The following SLC5A10 variants were observed in gnomAD, a reference collection of about 807,000 sequenced individuals.
The protein encoded by SLC5A10 is solute carrier family 5 member 10.
SLC5A10 carries 55 observed loss-of-function variants against 68.9 expected under a neutral mutation model. The ratio of observed to expected loss-of-function variants is 0.80; its 90% confidence interval spans 0.64 to 1.00. SLC5A10 has a LOEUF of 1.00. Among genes scored for constraint, SLC5A10 ranks in the 50% least tolerant of loss-of-function variants. SLC5A10 has a pLI of 0.00. For missense variants in SLC5A10, 732 were observed against 819.3 expected (o/e 0.89, Z 1.30); for synonymous variants, 344 against 344.8 (o/e 1.00, Z 0.02).
intron 2 of SLC5A10, 41 bp downstream of exon 2, chr17:18,958,794 G>A (rs372118121): frequency 5.9e-5 from 94 of 1,604,822 alleles, no homozygotes; most frequent in African/African-American, 1.7e-4. Flanking sequence ...CACTTTGTCC[G>A]TGGGGCTGTG....
chr17:19,017,270 C>A lies in SLC5A10; in HGVS notation c.1241+2071C>A. 6.4e-7 allele frequency: 1 copy of A among 1,551,170 alleles called. No homozygotes were observed. The highest frequency in any genetic ancestry group is 1.4e-5 in the African/African-American group (1 of 73,152). On this transcript the variant is annotated intron_variant, in intron 11 of 14. Coordinates refer to ENST00000395645, the MANE Select transcript of SLC5A10 (RefSeq NM_001042450.4). This position sits in a 1 kb window ranked among gnomAD's most constrained non-coding sequence, Gnocchi z 5.6. ...TGTCAGGCTGGCCAGCTCAACTTCC[C>A]GTCCCTCTTACAGCACTGGGATACC... is the stretch of plus-strand genomic sequence containing the variant.
At chr17:18,977,750 T>C in intron 9 of SLC5A10, 1 of 1,605,846 alleles carries the variant, frequency 6.2e-7, no homozygotes, top group Non-Finnish European at 8.5e-7. Flanking sequence ...GGTTGGCCCG[T>C]TGGCCACTTG....
intron 5 of SLC5A10, among the ~76,000 whole-genome samples, chr17:18,964,751 C>T (rs1258657213): frequency 2.0e-5 from 3 of 152,114 alleles, no homozygotes; most frequent in African/African-American, 7.2e-5. Flanking sequence ...TATGGAGGGG[C>T]AGCAATGACC....
rs138571697 is a variant in SLC5A10 at position 18,997,343 on chromosome 17, G to C, written c.983-16067G>C. On this transcript the variant is annotated intron_variant, in intron 9 of 14. Coordinates refer to ENST00000395645, the MANE Select transcript of SLC5A10 (RefSeq NM_001042450.4). ...GGGGAAAGGCCATGAGGTGACCAAG[G>C]CTGTTCCCTGTGGATGAGGCAAGAG... Among the ~76,000 whole-genome samples, 29 of 152,350 alleles carry C rather than the reference G, an allele frequency of 1.9e-4. No homozygotes were observed. The East Asian group carries it at 4.4e-3, about 23-fold the overall frequency.
Position 19,022,273 on chromosome 17 carries a change from T to G in SLC5A10, c.*1842T>G. On this transcript the variant is annotated 3_prime_UTR_variant, in exon 15 of 15. Transcript: ENST00000395645. ...TCTCGGGCAGCACCGGAGTTGAACT[T>G]TAAGTCCAGATCAATGGTAGTGCCA... 1.9e-6 allele frequency: 1 copy of G among 527,408 alleles called. No homozygotes were observed. Among genetic ancestry groups the G allele is most frequent in the Non-Finnish European group, 3.4e-6 (1 of 296,030 alleles). The allele number at this position is 527,408 out of a possible 1,614,324, so 32.7% of individuals were successfully genotyped here.
At position 18,965,071 on chromosome 17, in the gene SLC5A10, G is replaced by A. The variant is rs191494162; in HGVS notation, c.454-3981G>A. Reference sequence around the variant, plus strand: ...AGGCAGGAAAATCGCTTGAACCCAGGAGGCAGAGGTTTTTTTAAAAAAAAA... The same window carrying A: ...AGGCAGGAAAATCGCTTGAACCCAGAAGGCAGAGGTTTTTTTAAAAAAAAA... On this transcript the variant is annotated intron_variant, in intron 5 of 14. Coordinates refer to ENST00000395645, the MANE Select transcript of SLC5A10 (RefSeq NM_001042450.4). Among the ~76,000 whole-genome samples the A allele has an allele frequency of 9.6e-3, 1,325 of 137,928 alleles. 18 individuals carry two copies. Among genetic ancestry groups the A allele is most frequent in the African/African-American group, 0.036 (1,262 of 34,622 alleles). 90.5% of individuals were successfully genotyped at this position (137,928 alleles called of 152,430 possible).
At chr17:18,987,284 T>G (rs750225908) in intron 9 of SLC5A10, among the ~76,000 whole-genome samples, 21 of 152,226 alleles carry the variant, frequency 1.4e-4, no homozygotes, top group Admixed American at 2.6e-4. Context: ...ATGGGGTATG[T>G]GGCTCCATTC....
At chr17:18,989,734 T>C (rs1029928158) in intron 9 of SLC5A10, among the ~76,000 whole-genome samples, 14 of 152,212 alleles carry the variant, frequency 9.2e-5, no homozygotes, top group Non-Finnish European at 2.1e-4. Context: ...CAGGGGGTCT[T>C]GTCAGCCTGA....
At chr17:18,967,391 C>T (rs2042733178) in intron 5 of SLC5A10, among the ~76,000 whole-genome samples, 3 of 152,156 alleles carry the variant, frequency 2.0e-5, no homozygotes, top group Non-Finnish European at 1.5e-5. Context: ...GAACAATGTA[C>T]TCGAGGAGCA....
intron 9 of SLC5A10, among the ~76,000 whole-genome samples, chr17:18,988,946 G>A (rs917748995): frequency 6.6e-6 from 1 of 152,218 alleles, no homozygotes; most frequent in Non-Finnish European, 1.5e-5. Flanking sequence ...CAGGGCAGGG[G>A]GCCTGGCTGA....
chr17:19,007,124 A>G (rs1482848923), intron 9 of SLC5A10, among the ~76,000 whole-genome samples: 1 of 151,598 alleles, frequency 6.6e-6, no homozygotes, highest in African/African-American at 2.4e-5. Context: ...GTACCATTTC[A>G]CATTCTCACC....
chr17:19,008,676 G>T (rs1480563436), intron 9 of SLC5A10, among the ~76,000 whole-genome samples: 2 of 151,610 alleles, frequency 1.3e-5, no homozygotes, highest in African/African-American at 4.8e-5. Flanking sequence ...ATTTTTTGTA[G>T]TTTTAATAGA....
At chr17:18,959,524 T>C in intron 3 of SLC5A10, 80 bp from the exon 4 acceptor site, 1 of 1,486,886 alleles carries the variant, frequency 6.7e-7, no homozygotes, top group Non-Finnish European at 9.3e-7. Context: ...GGATGGCTCA[T>C]CCCAGCCATG....
upstream of SLC5A10, chr17:18,950,979 G>A (rs1271809907): frequency 6.6e-6 from 1 of 152,324 alleles, no homozygotes; most frequent in Non-Finnish European, 1.5e-5. Flanking sequence ...GCCTCCCAAA[G>A]GCATGAGCCT....
chr17:18,988,938 G>C (rs1269352372), intron 9 of SLC5A10, among the ~76,000 whole-genome samples: 1 of 152,220 alleles, frequency 6.6e-6, no homozygotes, highest in Non-Finnish European at 1.5e-5. Flanking sequence ...ACCACCAACA[G>C]GGCAGGGGGC....
chr17:18,990,637 G>A (rs1400955635), intron 9 of SLC5A10, among the ~76,000 whole-genome samples: 1 of 152,188 alleles, frequency 6.6e-6, no homozygotes, highest in Non-Finnish European at 1.5e-5. Context: ...CCTGATCCAG[G>A]GACCATCTGC....
At chr17:18,972,010 G>A (rs934444042) in intron 8 of SLC5A10, among the ~76,000 whole-genome samples, 4 of 152,316 alleles carry the variant, frequency 2.6e-5, no homozygotes, top group South Asian at 4.1e-4. Context: ...CCTCTATTCC[G>A]ACACAGGCCT....
intron 11 of SLC5A10, among the ~76,000 whole-genome samples, chr17:19,015,817 G>T (rs1361555254): frequency 2.0e-5 from 3 of 152,206 alleles, no homozygotes; most frequent in Non-Finnish European, 4.4e-5. Context: ...GGCCATTACA[G>T]GCCAAGAGAC....
At chr17:18,981,333 T>C (rs1378787416) in intron 9 of SLC5A10, among the ~76,000 whole-genome samples, 1 of 151,024 alleles carries the variant, frequency 6.6e-6, no homozygotes, top group East Asian at 1.9e-4. Context: ...GAGGGGTGGG[T>C]GATGGAGCCT....
Sources: allele counts gnomAD v4.1 joint callset (sites outside exome capture counted in the v4.1 genomes callset), GRCh38; gene constraint gnomAD v4.1.1; non-coding constraint Gnocchi (gnomAD v3.1); transcripts MANE v1.5; gene names NCBI Gene and HGNC (gene_info 2026-07-23, HGNC 2026-07-21).